Variants in LTBP1 observed in about 807,000 individuals in gnomAD.
The protein encoded by LTBP1 is latent transforming growth factor beta binding protein 1, also known as latent-transforming growth factor beta-binding protein 1.
LTBP1 carries 129 observed loss-of-function variants against 207.6 expected under a neutral mutation model. That is an observed-to-expected ratio of 0.62 (90% confidence interval 0.54 to 0.72). LTBP1 has a LOEUF of 0.72. Ranked by LOEUF, LTBP1 falls within the 30% of genes least tolerant of loss-of-function variation. The pLI, the probability that LTBP1 is intolerant of heterozygous loss-of-function variation, is 0.00. For synonymous variants in LTBP1, 963 were observed against 833.7 expected (o/e 1.16, Z -2.67); for missense variants, 2,281 against 2,217.2 (o/e 1.03, Z -0.58).
chr2:33,121,275 G>C (rs1271580051), intron 4 of LTBP1, among the ~76,000 whole-genome samples: 4 of 143,204 alleles, frequency 2.8e-5, no homozygotes, highest in Admixed American at 7.3e-5. Flanking sequence ...CAAGGTTCTA[G>C]CTTTTTTTCT....
chr2:33,089,384 A>G (rs1397849643), intron 3 of LTBP1, among the ~76,000 whole-genome samples: 1 of 152,186 alleles, frequency 6.6e-6, no homozygotes. Flanking sequence ...GCGATACTTG[A>G]GTAGGGTGAT....
chr2:33,177,256 A>G (rs1304769932), intron 5 of LTBP1, among the ~76,000 whole-genome samples: 1 of 152,208 alleles, frequency 6.6e-6, no homozygotes. Flanking sequence ...ATACTAAGCA[A>G]TTTGTAAATG....
At chr2:33,233,243 TG>T (rs1420572412) in intron 9 of LTBP1, among the ~76,000 whole-genome samples, 6 of 152,176 alleles carry the variant, frequency 3.9e-5, no homozygotes, top group Non-Finnish European at 5.9e-5. Context: ...CGCTGCATTT[TG>T]AATGGTTATC....
At chr2:33,180,606 C>T (rs1210430090) in intron 5 of LTBP1, among the ~76,000 whole-genome samples, 3 of 151,860 alleles carry the variant, frequency 2.0e-5, no homozygotes, top group Non-Finnish European at 2.9e-5. Flanking sequence ...TACATGCCAC[C>T]ATGTCTGGCT....
At chr2:32,955,711 A>T (rs1300762047) in intron 2 of LTBP1, among the ~76,000 whole-genome samples, 1 of 152,184 alleles carries the variant, frequency 6.6e-6, no homozygotes, top group Non-Finnish European at 1.5e-5. Context: ...AAGCTCCCTG[A>T]TGTGGTAGTT....
intron 20 of LTBP1, among the ~76,000 whole-genome samples, chr2:33,295,832 A>G (rs2093863909): frequency 6.6e-6 from 1 of 152,186 alleles, no homozygotes; most frequent in South Asian, 2.1e-4. Context: ...CAAGTAGTAA[A>G]TGAATACCCT....
In LTBP1 at chr2:33,016,170, T is replaced by C. The variant is rs545484389; in HGVS notation, c.566-4739T>C. Among the ~76,000 whole-genome samples, 5 of 152,214 alleles carry C rather than the reference T, an allele frequency of 3.3e-5. No homozygotes were observed. The East Asian group carries it at 9.7e-4, about 29-fold the overall frequency. ...GGATTGAGGGGCCTGTGCTCCTGCA[T>C]AGGGCTCCCTCTGTGCAGAGACAAG... On this transcript the variant is annotated intron_variant, in intron 2 of 33. Transcript: ENST00000404816.
intron 3 of LTBP1, among the ~76,000 whole-genome samples, chr2:33,084,610 C>T (rs181626550): frequency 6.0e-4 from 91 of 152,316 alleles, no homozygotes; most frequent in Admixed American, 5.9e-3. Context: ...AGTCCGTCTC[C>T]TTACCACATC....
intron 4 of LTBP1, among the ~76,000 whole-genome samples, chr2:33,120,777 C>T (rs1397423680): frequency 3.3e-5 from 5 of 152,156 alleles, no homozygotes; most frequent in Non-Finnish European, 5.9e-5. Flanking sequence ...AAACTGCTTT[C>T]CACAATGATT....
intron 15 of LTBP1, 151 bp downstream of exon 15, chr2:33,263,543 G>A (rs1558909311): frequency 3.5e-6 from 2 of 565,142 alleles, no homozygotes; most frequent in South Asian, 2.5e-5. Flanking sequence ...AGTTAAAAAG[G>A]AGGAGTATGT....
intron 28 of LTBP1, among the ~76,000 whole-genome samples, chr2:33,362,832 A>G (rs1395345281): frequency 6.6e-6 from 1 of 152,154 alleles, no homozygotes; most frequent in Non-Finnish European, 1.5e-5. Flanking sequence ...TTCCTCTCTT[A>G]TTAGGTAGAT....
chr2:32,963,607 G>T (rs1168585103), intron 2 of LTBP1, among the ~76,000 whole-genome samples: 1 of 152,140 alleles, frequency 6.6e-6, no homozygotes, highest in Non-Finnish European at 1.5e-5. Flanking sequence ...AATGTGTTTT[G>T]TACCTTTAGG....
chr2:33,360,885 C>T (rs539852131), intron 27 of LTBP1, 106 bp downstream of exon 27: 2 of 936,890 alleles, frequency 2.1e-6, no homozygotes, highest in South Asian at 1.6e-5. Flanking sequence ...AGGCGACTTA[C>T]CTTATAGTGA....
intron 3 of LTBP1, chr2:33,056,585 C>T (rs937662414): frequency 2.4e-5 from 9 of 373,324 alleles, no homozygotes; most frequent in African/African-American, 4.3e-5. Flanking sequence ...CGCGGACCCT[C>T]GCAGTGAGTG....
rs560773048 is a variant in LTBP1 at position 33,395,382 on chromosome 2, C to G, written c.4835-1751C>G. ...TTACTTCATACGTGAGAAAAATAAG[C>G]TTTCTGCCCAAGTTTACAAGGTACA... On this transcript the variant is annotated intron_variant, in intron 32 of 33. Coordinates refer to ENST00000404816, the MANE Select transcript of LTBP1 (RefSeq NM_206943.4). Among the ~76,000 whole-genome samples the G allele has an allele frequency of 1.1e-3, 175 of 152,272 alleles. 1 individual carries two copies. Among genetic ancestry groups the G allele is most frequent in the African/African-American group, 3.8e-3 (159 of 41,554 alleles).
rs187899712 is a variant in LTBP1, at chr2:33,184,065, C to T, written c.1202-2791C>T. Among the ~76,000 whole-genome samples, 30 of 152,206 alleles carry T rather than the reference C, an allele frequency of 2.0e-4. No individual in the cohort carries two copies. The East Asian group carries it at 4.4e-3, about 23-fold the overall frequency. Reference sequence around the variant, plus strand: ...TCCACTGATTTTCCCTCCAGCCTTACGTTACTGCATGTTTCTTTCAGTTCC... The same window carrying T: ...TCCACTGATTTTCCCTCCAGCCTTATGTTACTGCATGTTTCTTTCAGTTCC... On this transcript the variant is annotated intron_variant, in intron 5 of 33. Coordinates refer to ENST00000404816, the MANE Select transcript of LTBP1 (RefSeq NM_206943.4).
intron 2 of LTBP1, among the ~76,000 whole-genome samples, chr2:32,994,354 G>T (rs1345455823): frequency 6.6e-6 from 1 of 152,148 alleles, no homozygotes; most frequent in African/African-American, 2.4e-5. Context: ...TCAGGAAACT[G>T]AGGCACCAAG....
At chr2:33,007,069 A>C (rs1196746781) in intron 2 of LTBP1, among the ~76,000 whole-genome samples, 2 of 152,100 alleles carry the variant, frequency 1.3e-5, no homozygotes, top group African/African-American at 4.8e-5. Context: ...GACATTTGAA[A>C]GGGGTGGTTT....
At position 33,001,607 on chromosome 2, in the gene LTBP1, T is replaced by C. The variant is rs1270417382; in HGVS notation, c.566-19302T>C. ...AAGAAATCAGTGTCAGTTGGGATTA[T>C]GGCTCAGTCCTGCTCTGCACTAATT... On this transcript the variant is annotated intron_variant, in intron 2 of 33. Transcript: ENST00000404816. Among the ~76,000 whole-genome samples, 4 of 135,036 alleles carry C rather than the reference T, an allele frequency of 3.0e-5. 1 individual carries two copies. Among genetic ancestry groups the C allele is most frequent in the African/African-American group, 1.0e-4 (4 of 38,690 alleles). The allele number at this position is 135,036 out of a possible 152,430, so 88.6% of individuals were successfully genotyped here.
Sources: gnomAD v4.1 joint callset for allele counts (sites outside exome capture counted in the v4.1 genomes callset) on GRCh38, gnomAD v4.1.1 for gene constraint, MANE v1.5 for transcripts, NCBI Gene and HGNC (gene_info 2026-07-23, HGNC 2026-07-21) for gene names.